Variants in GLDC observed in about 807,000 individuals in gnomAD.
The protein encoded by GLDC is glycine decarboxylase.
A neutral mutation model predicts 121.3 loss-of-function variants in GLDC; 104 were observed. The observed-to-expected ratio is 0.86, with a 90% CI of 0.73 to 1.01. The LOEUF is 1.01. GLDC is among the 50% of genes least tolerant of loss of function. The pLI, the probability that GLDC is intolerant of heterozygous loss-of-function variation, is 0.00. For synonymous variants in GLDC, 546 were observed against 480.6 expected (o/e 1.14, Z -1.78); for missense variants, 1,429 against 1,306.6 (o/e 1.09, Z -1.44).
intron 2 of GLDC, chr9:6,639,392 A>C (rs1269208090): frequency 2.3e-6 from 2 of 868,616 alleles, no homozygotes; most frequent in Non-Finnish European, 1.8e-6. Flanking sequence ...CTGACCACTG[A>C]GTCGCCATGA....
chr9:6,589,486 A>C (rs1202890960), intron 11 of GLDC, among the ~76,000 whole-genome samples, 194 bp from the exon 12 acceptor site: 1 of 152,144 alleles, frequency 6.6e-6, no homozygotes, highest in Non-Finnish European at 1.5e-5. Flanking sequence ...GCTAGAGTGC[A>C]GTGGCACGAT....
intron 8 of GLDC, 110 bp from the exon 9 acceptor site, chr9:6,595,229 T>C: frequency 1.3e-6 from 1 of 799,128 alleles, no homozygotes; most frequent in South Asian, 1.3e-5. Flanking sequence ...AACAAAATGA[T>C]CAGATTTCCT....
chr9:6,589,183 A>G lies in GLDC; in HGVS notation c.1580+12T>C. 2 of 1,524,762 alleles carry G rather than the reference A, an allele frequency of 1.3e-6. No individual in the cohort carries two copies. Among genetic ancestry groups the G allele is most frequent in the Non-Finnish European group, 1.8e-6 (2 of 1,098,344 alleles). The allele number at this position is 1,524,762 out of a possible 1,614,324, so 94.5% of individuals were successfully genotyped here. On this transcript the variant is annotated intron_variant, in intron 12 of 24. Coordinates refer to ENST00000321612, the MANE Select transcript of GLDC (RefSeq NM_000170.3). ...AAGCACAAAACGCAGAAGTCACACA[A>G]GACACACAAACCTGTTGAACACTTG...
At position 6,536,123 on chromosome 9, in the gene GLDC, G is replaced by A. The variant is rs552072250; in HGVS notation, c.2779C>T (p.Arg927Trp). 7 of 1,613,998 alleles carry A rather than the reference G, an allele frequency of 4.3e-6. No homozygotes were observed. Among genetic ancestry groups the A allele is most frequent in the South Asian group, 1.1e-5 (1 of 91,076 alleles). The change falls in exon 23 of 25, where the codon CGG becomes TGG. Residue 927 changes from arginine (R) to tryptophan (W), a missense_variant. Coordinates refer to ENST00000321612, the MANE Select transcript of GLDC (RefSeq NM_000170.3). ...TCCTCAATGTCAGCAATTTCCTGCC[G>A]AATGCTGATCATGGCATCACAGAAT... The part of the protein sequence containing the change: ...DRFCDAMISI[R>W]QEIADIEEGR...
chr9:6,644,763 C>G, intron 1 of GLDC, 71 bp from the exon 2 acceptor site: 1 of 1,060,646 alleles, frequency 9.4e-7, no homozygotes, highest in Non-Finnish European at 1.5e-6. Context: ...TTTGCGACTA[C>G]AAAGCCTTGT....
chr9:6,571,827 T>C lies in GLDC; in HGVS notation c.1851-6398A>G, dbSNP rs1817973097. On this transcript the variant is annotated intron_variant, in intron 15 of 24. Coordinates refer to ENST00000321612, the MANE Select transcript of GLDC (RefSeq NM_000170.3). ...TGGGGACTATCATATATAGCTACAA[T>C]AATCAAGCCTATGTACACAGAGATC... Among the ~76,000 whole-genome samples, 3 of 152,186 alleles carry C rather than the reference T, an allele frequency of 2.0e-5. No individual in the cohort carries two copies. The South Asian group carries it at 6.2e-4, about 32-fold the overall frequency.
At chr9:6,634,776 C>G (rs931640210) in intron 2 of GLDC, among the ~76,000 whole-genome samples, 9 of 152,120 alleles carry the variant, frequency 5.9e-5, no homozygotes, top group African/African-American at 2.2e-4. Context: ...GCTTCTCTCC[C>G]CTTCCACCAA....
intron 16 of GLDC, 82 bp from the exon 17 acceptor site, chr9:6,558,766 T>C: frequency 6.8e-7 from 1 of 1,463,152 alleles, no homozygotes; most frequent in African/African-American, 1.4e-5. Flanking sequence ...ACAACATGCT[T>C]GTAGCACAAA....
intron 2 of GLDC, among the ~76,000 whole-genome samples, chr9:6,624,336 G>A (rs754603832): frequency 1.2e-4 from 18 of 152,184 alleles, no homozygotes; most frequent in African/African-American, 2.9e-4. Flanking sequence ...AGGGTCAGCC[G>A]TAATCCAATG....
chr9:6,556,902 C>T (rs1817645146), intron 17 of GLDC, among the ~76,000 whole-genome samples: 2 of 152,136 alleles, frequency 1.3e-5, no homozygotes, highest in Non-Finnish European at 2.9e-5. Context: ...TATTTTGGGC[C>T]CAACTCTCTA....
Position 6,550,846 on chromosome 9 carries a change from C to T in GLDC, c.2526G>A (p.Lys842=), listed in dbSNP as rs548033815. ...TAILNANYMA[K]RLETHYRILF... ...GAATTCTGTAGTGTGTTTCTAATCG[C>T]TTGGCCATGTAGTTGGCATTTAATA... is the stretch of plus-strand genomic sequence containing the variant. The change falls in exon 21 of 25, where the codon AAG becomes AAA. Residue 842 remains lysine (K), a synonymous_variant. Transcript: ENST00000321612. 31 of 1,613,636 alleles carry T rather than the reference C, an allele frequency of 1.9e-5. 1 individual carries two copies. In the South Asian group the frequency reaches 3.1e-4, roughly 16 times the overall value.
rs1333032735 is a variant in GLDC at position 6,605,134 on chromosome 9, A to C, written c.858T>G (p.Ser286Arg). Reference sequence around the variant, plus strand: ...CCCACAAGAAAGGTATACCTACCCCACTCTGATGAGCTCTCTCCACGAGTT... The same window carrying C: ...CCCACAAGAAAGGTATACCTACCCCCCTCTGATGAGCTCTCTCCACGAGTT... ...FTELVERAHQ[S>R]GSLACCATDL... is the part of the protein sequence containing the mutation. Residue 286 changes from serine (S) to arginine (R), a missense_variant, in exon 6 of 25, where the codon AGT becomes AGG. Coordinates refer to ENST00000321612, the MANE Select transcript of GLDC (RefSeq NM_000170.3). 2 of 1,612,162 alleles carry C rather than the reference A, an allele frequency of 1.2e-6. No homozygotes were observed. The highest frequency in any genetic ancestry group is 3.3e-5 in the Admixed American group (2 of 60,002).
chr9:6,566,921 G>A (rs900705183), intron 15 of GLDC, among the ~76,000 whole-genome samples: 3 of 152,168 alleles, frequency 2.0e-5, no homozygotes, highest in African/African-American at 7.2e-5. Context: ...AGGTCTGAGT[G>A]CTACATGCCA....
chr9:6,639,240 A>G, intron 2 of GLDC: 1 of 918,716 alleles, frequency 1.1e-6, no homozygotes, highest in Non-Finnish European at 1.8e-6. Flanking sequence ...AGGTGTCCAC[A>G]GCCACAAAAA....
intron 11 of GLDC, 66 bp downstream of exon 11, chr9:6,592,077 G>T (rs910369025): frequency 1.9e-5 from 18 of 966,578 alleles, no homozygotes; most frequent in African/African-American, 1.6e-4. Flanking sequence ...ACACTCAGGG[G>T]ATAAGCTACT....
At position 6,550,914 on chromosome 9, in the gene GLDC, T is replaced by C. The variant is rs781682244; in HGVS notation, c.2458A>G (p.Met820Val). ...TGTTTAAGACCCTTGCCTCCCATCA[T>C]CTGCAACAAAGGGAAAAAGAGCCAT... is the stretch of plus-strand genomic sequence containing the variant. ...ILPISWAYIK[M>V]MGGKGLKQAT... Residue 820 changes from methionine (M) to valine (V), a missense_variant and splice_region_variant, in exon 21 of 25, where the codon ATG becomes GTG. Met to Val is a conservative substitution (Grantham distance 21). Coordinates refer to ENST00000321612, the MANE Select transcript of GLDC (RefSeq NM_000170.3). 4 of 1,596,702 alleles carry C rather than the reference T, an allele frequency of 2.5e-6. No individual in the cohort carries two copies. The highest frequency in any genetic ancestry group is 2.2e-5 in the East Asian group (1 of 44,786).
At chr9:6,622,584 G>T (rs1325555311) in intron 2 of GLDC, among the ~76,000 whole-genome samples, 1 of 152,112 alleles carries the variant, frequency 6.6e-6, no homozygotes, top group Middle Eastern at 3.2e-3. Context: ...CGTGATCTCG[G>T]CTCGCTACAA....
intron 16 of GLDC, 26 bp from the exon 17 acceptor site, chr9:6,558,710 A>C (rs1366260913): frequency 6.2e-7 from 1 of 1,614,048 alleles, no homozygotes; most frequent in Non-Finnish European, 8.5e-7. Context: ...GAAGCAAAGA[A>C]AGAGCAAAAT....
At chr9:6,533,264 C>T (rs180910721) in intron 24 of GLDC, 104 bp from the exon 25 acceptor site, 1 of 954,944 alleles carries the variant, frequency 1.0e-6, no homozygotes, top group Admixed American at 1.7e-5. Context: ...CACCATCAGC[C>T]CAGCAAATAT....
Sources: gnomAD v4.1 joint callset for allele counts (sites outside exome capture counted in the v4.1 genomes callset) on GRCh38, gnomAD v4.1.1 for gene constraint, MANE v1.5 for transcripts, NCBI Gene and HGNC (gene_info 2026-07-23, HGNC 2026-07-21) for gene names.